The following LNX1 variants were observed in gnomAD, a reference collection of about 807,000 sequenced individuals.
LNX1 encodes the protein E3 ubiquitin-protein ligase LNX.
LNX1 carries 54 observed loss-of-function variants against 68.4 expected under a neutral mutation model. The observed-to-expected ratio is 0.79, with a 90% CI of 0.63 to 0.99. The LOEUF (loss-of-function observed/expected upper bound fraction) is 0.99. Ranked by LOEUF, LNX1 falls within the 50% of genes least tolerant of loss-of-function variation. LNX1 has a pLI of 0.00. For synonymous variants in LNX1, 336 were observed against 350.0 expected (o/e 0.96, Z 0.45); for missense variants, 906 against 926.4 (o/e 0.98, Z 0.29).
upstream of LNX1, among the ~76,000 whole-genome samples, chr4:53,595,455 G>A (rs1218623063): frequency 6.6e-6 from 1 of 152,148 alleles, no homozygotes; most frequent in Non-Finnish European, 1.5e-5. Flanking sequence ...TTGGGCATGG[G>A]GTAATTTCTT....
At chr4:53,579,141 A>G (rs182672641) in intron 1 of LNX1, 1 of 331,092 alleles carries the variant, frequency 3.0e-6, no homozygotes, top group Admixed American at 6.4e-5. Context: ...TGAATGTATC[A>G]GCCATCAGCA....
At chr4:53,551,017 G>T (rs931125921) in intron 2 of LNX1, among the ~76,000 whole-genome samples, 1 of 152,174 alleles carries the variant, frequency 6.6e-6, no homozygotes, top group African/African-American at 2.4e-5. Context: ...GTTGCATGAA[G>T]TCTGTGCAGT....
chr4:53,509,536 T>C (rs1300479599), intron 2 of LNX1, among the ~76,000 whole-genome samples: 1 of 152,228 alleles, frequency 6.6e-6, no homozygotes, highest in African/African-American at 2.4e-5. Flanking sequence ...AAATTTTATT[T>C]ACCTGGCTAA....
intron 7 of LNX1, among the ~76,000 whole-genome samples, chr4:53,479,905 A>C (rs1723806535): frequency 6.6e-6 from 1 of 152,230 alleles, no homozygotes; most frequent in African/African-American, 2.4e-5. Context: ...ATCAGAAATA[A>C]ACATTCCATG....
intron 2 of LNX1, among the ~76,000 whole-genome samples, chr4:53,568,630 C>A (rs984564489): frequency 2.7e-5 from 4 of 150,844 alleles, no homozygotes; most frequent in Non-Finnish European, 5.9e-5. Context: ...CTCACCACTC[C>A]TATTCAACAT....
At position 53,459,494 on chromosome 4, in the gene LNX1, C is replaced by T. The variant is rs2150522948; in HGVS notation, c.*1413G>A. 6.2e-7 allele frequency: 1 copy of T among 1,609,574 alleles called. No homozygotes were observed. Among genetic ancestry groups the T allele is most frequent in the East Asian group, 2.2e-5 (1 of 44,840 alleles). ...TGTATATTAGTACCAGAAGTAGATA[C>T]TATAAATCTTGTTATTTTTCTGGAT... On this transcript the variant is annotated 3_prime_UTR_variant, in exon 11 of 11. Transcript: ENST00000263925.
intron 1 of LNX1, among the ~76,000 whole-genome samples, chr4:53,574,875 A>C (rs1247431039): frequency 6.6e-6 from 1 of 152,192 alleles, no homozygotes; most frequent in Admixed American, 6.5e-5. Flanking sequence ...TACTGAATTC[A>C]TTGTCTCTAG....
chr4:53,487,911 GGGATGGC>G (rs1724418467), intron 6 of LNX1, among the ~76,000 whole-genome samples: 4 of 152,132 alleles, frequency 2.6e-5, no homozygotes, highest in Admixed American at 6.5e-5. Flanking sequence ...TATGCTTGTG[GGGATGGC>G]TCTTTCTACA....
intron 2 of LNX1, among the ~76,000 whole-genome samples, chr4:53,555,289 A>G (rs371519596): frequency 6.6e-6 from 1 of 152,098 alleles, no homozygotes; most frequent in Non-Finnish European, 1.5e-5. Flanking sequence ...GGTGACAACC[A>G]CAGCCAGCCC....
At chr4:53,499,396 T>C (rs1039129122) in intron 4 of LNX1, among the ~76,000 whole-genome samples, 1 of 152,162 alleles carries the variant, frequency 6.6e-6, no homozygotes, top group African/African-American at 2.4e-5. Flanking sequence ...TGAGCCCAGG[T>C]GATCCACCCA....
chr4:53,552,828 C>CAAA (rs11375920), intron 2 of LNX1, among the ~76,000 whole-genome samples: 20 of 109,536 alleles, frequency 1.8e-4, no homozygotes, highest in African/African-American at 4.6e-4. Context: ...GACTCCATCT[C>CAAA]AAAAAAAAAA....
At chr4:53,648,194 A>G (rs1279670139) in intron 1 of LNX1, among the ~76,000 whole-genome samples, 1 of 151,900 alleles carries the variant, frequency 6.6e-6, no homozygotes, top group Non-Finnish European at 1.5e-5. Context: ...GTTACACAAT[A>G]GCTGTATCAG....
intron 2 of LNX1, among the ~76,000 whole-genome samples, chr4:53,570,917 C>T (rs1235513155): frequency 1.3e-5 from 2 of 151,656 alleles, no homozygotes; most frequent in African/African-American, 4.8e-5. Flanking sequence ...GTCCCAACTA[C>T]TCTGGAGGCT....
upstream of LNX1, among the ~76,000 whole-genome samples, chr4:53,622,328 T>C (rs756253781): frequency 2.6e-5 from 4 of 152,204 alleles, no homozygotes; most frequent in Non-Finnish European, 4.4e-5. Flanking sequence ...TCAAAGTGCG[T>C]GGATTAGAAA....
chr4:53,565,771 A>G (rs1730635362), intron 2 of LNX1, among the ~76,000 whole-genome samples: 3 of 149,556 alleles, frequency 2.0e-5, no homozygotes, highest in Non-Finnish European at 3.0e-5. Flanking sequence ...AAGAATGTAT[A>G]ACTAGAATAA....
intron 9 of LNX1, among the ~76,000 whole-genome samples, chr4:53,468,457 A>T (rs1253386332): frequency 6.6e-6 from 1 of 152,234 alleles, no homozygotes; most frequent in Non-Finnish European, 1.5e-5. Context: ...TAACCAGCAA[A>T]CATCATAATG....
intron 1 of LNX1, among the ~76,000 whole-genome samples, chr4:53,640,527 C>T (rs981657519): frequency 6.6e-6 from 1 of 152,188 alleles, no homozygotes; most frequent in Non-Finnish European, 1.5e-5. Flanking sequence ...AAAACACATA[C>T]ATTTCATTGC....
intron 10 of LNX1, 146 bp from the exon 11 acceptor site, chr4:53,461,188 T>C (rs1426335709): frequency 7.9e-6 from 6 of 758,250 alleles, no homozygotes; most frequent in East Asian, 5.5e-5. Context: ...TTGCCTCTTA[T>C]TTACATTCTC....
intron 6 of LNX1, among the ~76,000 whole-genome samples, chr4:53,490,695 A>G (rs1464371865): frequency 6.6e-6 from 1 of 152,244 alleles, no homozygotes; most frequent in Non-Finnish European, 1.5e-5. Context: ...TGTAAGGCAA[A>G]TGTGATTCAC....
Sources: allele counts gnomAD v4.1 joint callset (sites outside exome capture counted in the v4.1 genomes callset), GRCh38; gene constraint gnomAD v4.1.1; transcripts MANE v1.5; gene names NCBI Gene and HGNC (gene_info 2026-07-23, HGNC 2026-07-21).